The following VTI1A variants were observed in gnomAD, a reference collection of about 807,000 sequenced individuals.
VTI1A encodes the protein vesicle transport through interaction with t-SNAREs 1A.
In VTI1A, 22 loss-of-function variants were observed where a neutral mutation model predicts 34.9. The observed-to-expected ratio is 0.63, with a 90% CI of 0.45 to 0.90. VTI1A has a LOEUF of 0.90. VTI1A is among the 40% of genes least tolerant of loss of function. The probability of loss-of-function intolerance (pLI) is 0.00; values close to 1 mark genes in which losing one functional copy is unlikely to be tolerated. For missense variants in VTI1A, 268 were observed against 275.6 expected (o/e 0.97, Z 0.20); for synonymous variants, 87 against 97.3 (o/e 0.89, Z 0.62).
intron 7 of VTI1A, among the ~76,000 whole-genome samples, chr10:112,686,722 A>G (rs767311336): frequency 2.9e-4 from 44 of 152,252 alleles, no homozygotes; most frequent in Non-Finnish European, 4.8e-4. Flanking sequence ...TGCTCTGGAC[A>G]GAATGAACCT....
chr10:112,850,896 T>C, the VTI1A span, among the ~76,000 whole-genome samples: 1 of 152,164 alleles, frequency 6.6e-6, no homozygotes, highest in Non-Finnish European at 1.5e-5. Flanking sequence ...ATCTGCCCCT[T>C]TCCCCAACTT....
At chr10:112,683,699 A>C (rs1004575438) in intron 7 of VTI1A, among the ~76,000 whole-genome samples, 31 of 152,190 alleles carry the variant, frequency 2.0e-4, no homozygotes, top group African/African-American at 7.2e-4. Context: ...TGTGATTTGT[A>C]TTTTTGCCAA....
At chr10:112,562,422 A>T (rs1231404776) in intron 5 of VTI1A, among the ~76,000 whole-genome samples, 1 of 152,114 alleles carries the variant, frequency 6.6e-6, no homozygotes, top group Non-Finnish European at 1.5e-5. Context: ...TTAAGTCAAT[A>T]TTACTCCAGT....
At chr10:112,667,281 G>A (rs192813819) in intron 5 of VTI1A, among the ~76,000 whole-genome samples, 160 of 152,190 alleles carry the variant, frequency 1.1e-3, no homozygotes, top group South Asian at 4.4e-3. Flanking sequence ...GTAGAACAAG[G>A]TAGTCAGATA....
At chr10:112,749,667 C>T (rs1462147996) in intron 7 of VTI1A, among the ~76,000 whole-genome samples, 1 of 152,222 alleles carries the variant, frequency 6.6e-6, no homozygotes, top group Non-Finnish European at 1.5e-5. Flanking sequence ...GGGAAAAGAA[C>T]TGCAAGATAC....
chr10:112,485,757 G>A (rs907221875), intron 3 of VTI1A, among the ~76,000 whole-genome samples: 2 of 152,164 alleles, frequency 1.3e-5, no homozygotes, highest in African/African-American at 2.4e-5. Context: ...AAAGATGTTA[G>A]TTTTAAGTTG....
chr10:112,844,664 G>A, the VTI1A span, among the ~76,000 whole-genome samples: 50 of 152,302 alleles, frequency 3.3e-4, no homozygotes, highest in African/African-American at 1.2e-3. Context: ...CTCCCAAAGT[G>A]CTAGGATTAC....
At chr10:112,631,666 GCCTGACGCAAA>G (rs1415960564) in intron 5 of VTI1A, among the ~76,000 whole-genome samples, 2 of 152,168 alleles carry the variant, frequency 1.3e-5, no homozygotes, top group Admixed American at 1.3e-4. Flanking sequence ...CTCCCTGAAA[GCCTGACGCAAA>G]CCTCTGAGCC....
intron 7 of VTI1A, among the ~76,000 whole-genome samples, chr10:112,774,591 G>A (rs1851903128): frequency 6.6e-6 from 1 of 151,980 alleles, no homozygotes; most frequent in Non-Finnish European, 1.5e-5. Flanking sequence ...TAAGTTTAGG[G>A]TGATGATTTT....
intron 1 of VTI1A, among the ~76,000 whole-genome samples, chr10:112,456,115 A>G (rs1485993701): frequency 6.6e-6 from 1 of 152,182 alleles, no homozygotes; most frequent in Non-Finnish European, 1.5e-5. Context: ...AGGAGCCGGC[A>G]ATGAGCCTGA....
intron 5 of VTI1A, among the ~76,000 whole-genome samples, chr10:112,544,404 A>G (rs1023293077): frequency 1.3e-5 from 2 of 152,018 alleles, no homozygotes; most frequent in African/African-American, 4.8e-5. Context: ...TAATTTTTGT[A>G]TTTTTAGTAG....
At chr10:112,747,572 C>T (rs1449605013) in intron 7 of VTI1A, among the ~76,000 whole-genome samples, 4 of 152,022 alleles carry the variant, frequency 2.6e-5, no homozygotes, top group African/African-American at 4.8e-5. Context: ...GTTAGGTGGC[C>T]GATGACCGTA....
intron 5 of VTI1A, among the ~76,000 whole-genome samples, chr10:112,578,560 A>G (rs1056174819): frequency 2.0e-5 from 3 of 152,214 alleles, no homozygotes; most frequent in African/African-American, 4.8e-5. Context: ...ACATGTAGAC[A>G]TAAATCATTC....
rs1295144968 is a variant in VTI1A, at chr10:112,618,516, T to TAG, written c.428-49701_428-49700insGA. ...ATATATATATATATATATATATATATATATATATAGAGAGAGAGAGAGAGA... is the reference window on the plus strand; with the variant it reads ...ATATATATATATATATATATATATATAGATATATATAGAGAGAGAGAGAGAGA... On this transcript the variant is annotated intron_variant, in intron 5 of 7. Transcript: ENST00000393077. Among the ~76,000 whole-genome samples the TAG allele has an allele frequency of 7.1e-3, 329 of 46,376 alleles. 5 individuals carry two copies. Among genetic ancestry groups the TAG allele is most frequent in the East Asian group, 0.035 (42 of 1,192 alleles). 30.4% of individuals were successfully genotyped at this position (46,376 alleles called of 152,430 possible).
At chr10:112,466,880 C>T (rs1030490049) in intron 3 of VTI1A, among the ~76,000 whole-genome samples, 3 of 152,106 alleles carry the variant, frequency 2.0e-5, no homozygotes, top group Admixed American at 1.3e-4. Flanking sequence ...CCTTTTGAGG[C>T]CTCTCTCCTT....
At chr10:112,750,517 T>C (rs116322853) in intron 7 of VTI1A, among the ~76,000 whole-genome samples, 1 of 152,164 alleles carries the variant, frequency 6.6e-6, no homozygotes, top group Non-Finnish European at 1.5e-5. Flanking sequence ...TAGCCAAGAC[T>C]GATTTTTAAA....
At chr10:112,556,386 A>G (rs145308503) in intron 5 of VTI1A, among the ~76,000 whole-genome samples, 155 of 152,118 alleles carry the variant, frequency 1.0e-3, no homozygotes, top group African/African-American at 3.6e-3. Context: ...CTGCAAATAT[A>G]TGACTCTGAT....
chr10:112,510,602 C>G (rs1251431127), intron 3 of VTI1A, among the ~76,000 whole-genome samples: 1 of 152,080 alleles, frequency 6.6e-6, no homozygotes, highest in African/African-American at 2.4e-5. Context: ...TGCCACTGGT[C>G]TCCAGCATGG....
intron 7 of VTI1A, among the ~76,000 whole-genome samples, chr10:112,716,981 G>A (rs1295895091): frequency 1.3e-5 from 2 of 152,130 alleles, no homozygotes; most frequent in African/African-American, 4.8e-5. Context: ...TGCTGCCAGG[G>A]CCACCCCAAG....
Sources: allele counts gnomAD v4.1 joint callset (sites outside exome capture counted in the v4.1 genomes callset), GRCh38; gene constraint gnomAD v4.1.1; transcripts MANE v1.5; gene names NCBI Gene and HGNC (gene_info 2026-07-23, HGNC 2026-07-21).